GALNT13: variants seen among roughly 807,000 people sequenced by gnomAD.
GALNT13 encodes UDP-GalNAc:polypeptide N-acetylgalactosaminyltransferase 13.
In GALNT13, 28 loss-of-function variants were observed where a neutral mutation model predicts 64.2. The observed-to-expected ratio is 0.44, with a 90% CI of 0.32 to 0.60. The LOEUF is 0.60. Ranked by LOEUF, GALNT13 falls within the 20% of genes least tolerant of loss-of-function variation. The probability of loss-of-function intolerance (pLI) is 0.05; values close to 1 mark genes in which losing one functional copy is unlikely to be tolerated. For missense variants in GALNT13, 577 were observed against 669.8 expected, an observed-to-expected ratio of 0.86 and a Z score of 1.53; for synonymous variants, 214 against 224.6, an observed-to-expected ratio of 0.95 and a Z score of 0.42.
intron 4 of GALNT13, among the ~76,000 whole-genome samples, chr2:154,198,722 G>T (rs1687013284): frequency 6.6e-6 from 1 of 151,692 alleles, no homozygotes; most frequent in Non-Finnish European, 1.5e-5. Context: ...AAAGTAAAAT[G>T]ACCCAGTAAC....
chr2:153,614,624 C>A, the GALNT13 span, among the ~76,000 whole-genome samples: 1 of 151,928 alleles, frequency 6.6e-6, no homozygotes, highest in East Asian at 1.9e-4. Flanking sequence ...TTCTACTTTC[C>A]TATAGTTTTT....
At chr2:153,393,924 A>G in the GALNT13 span, among the ~76,000 whole-genome samples, 5 of 149,204 alleles carry the variant, frequency 3.4e-5, no homozygotes, top group Admixed American at 3.4e-4. Context: ...CAAATAATCA[A>G]TTTCTTTCTC....
intron 9 of GALNT13, among the ~76,000 whole-genome samples, chr2:154,348,778 A>G (rs1192794592): frequency 6.6e-6 from 1 of 152,068 alleles, no homozygotes; most frequent in East Asian, 1.9e-4. Flanking sequence ...GGTCCTGGAA[A>G]TACACTTGAA....
chr2:153,265,977 A>AT, the GALNT13 span, among the ~76,000 whole-genome samples: 2 of 152,040 alleles, frequency 1.3e-5, no homozygotes, highest in African/African-American at 4.8e-5. Context: ...GTCGTTAACA[A>AT]TTTTTTTTCA....
At chr2:153,317,316 A>G in the GALNT13 span, among the ~76,000 whole-genome samples, 1 of 152,148 alleles carries the variant, frequency 6.6e-6, no homozygotes, top group Admixed American at 6.5e-5. Context: ...GCAGAGGTTC[A>G]TAACCCACTC....
intron 3 of GALNT13, among the ~76,000 whole-genome samples, chr2:154,067,944 GT>G (rs1388447926): frequency 6.6e-6 from 1 of 152,038 alleles, no homozygotes; most frequent in Non-Finnish European, 1.5e-5. Flanking sequence ...CAGAATGGAA[GT>G]ATTTCCAAAC....
the GALNT13 span, among the ~76,000 whole-genome samples, chr2:153,325,758 C>A: frequency 0.78 from 118,477 of 152,044 alleles, 47,008 homozygotes; most frequent in Middle Eastern, 0.85. Flanking sequence ...TTATTTACCC[C>A]GTAGTCATTC....
chr2:153,622,814 T>C, the GALNT13 span, among the ~76,000 whole-genome samples: 1 of 152,240 alleles, frequency 6.6e-6, no homozygotes, highest in Admixed American at 6.6e-5. Context: ...TGCTTTTATC[T>C]TTATTGCCAA....
At chr2:153,406,254 TATTTC>T in the GALNT13 span, among the ~76,000 whole-genome samples, 2 of 152,172 alleles carry the variant, frequency 1.3e-5, no homozygotes, top group African/African-American at 4.8e-5. Flanking sequence ...AATTATTACT[TATTTC>T]ATTGATATTT....
chr2:154,152,074 G>T (rs1472600548), intron 4 of GALNT13, among the ~76,000 whole-genome samples: 1 of 152,190 alleles, frequency 6.6e-6, no homozygotes, highest in African/African-American at 2.4e-5. Context: ...GGTACCGGTT[G>T]TTCCTTTCCA....
intron 2 of GALNT13, among the ~76,000 whole-genome samples, chr2:153,913,331 G>A (rs961627225): frequency 1.6e-4 from 25 of 152,284 alleles, no homozygotes; most frequent in Non-Finnish European, 2.6e-4. Context: ...CAGTGGTATA[G>A]CAGGGTGCGT....
chr2:153,194,935 G>A, the GALNT13 span, among the ~76,000 whole-genome samples: 62 of 152,322 alleles, frequency 4.1e-4, no homozygotes, highest in African/African-American at 1.3e-3. Context: ...ATAGACTGCC[G>A]AGGCTAGTTC....
At chr2:153,855,969 A>G in the GALNT13 span, among the ~76,000 whole-genome samples, 2 of 152,172 alleles carry the variant, frequency 1.3e-5, no homozygotes, top group Non-Finnish European at 2.9e-5. Flanking sequence ...AATCTCACAA[A>G]TGATCGCACA....
At chr2:153,808,695 CTT>C in the GALNT13 span, among the ~76,000 whole-genome samples, 1 of 152,180 alleles carries the variant, frequency 6.6e-6, no homozygotes, top group Non-Finnish European at 1.5e-5. Flanking sequence ...TCCAACAACT[CTT>C]TTGCCCACAT....
the GALNT13 span, among the ~76,000 whole-genome samples, chr2:153,301,320 A>AAAAAAAAAAAG: frequency 5.7e-4 from 72 of 126,684 alleles, 3 homozygotes; most frequent in African/African-American, 2.1e-3. Context: ...AAAAAAAAAG[A>AAAAAAAAAAAG]AAAAAAAAAA....
At chr2:153,906,174 C>T (rs1283878030) in intron 2 of GALNT13, among the ~76,000 whole-genome samples, 5 of 151,142 alleles carry the variant, frequency 3.3e-5, no homozygotes, top group Non-Finnish European at 7.4e-5. Flanking sequence ...TTTAGTTTCT[C>T]TTAATCCCAT....
At chr2:154,110,012 C>A (rs1702844820) in intron 3 of GALNT13, among the ~76,000 whole-genome samples, 1 of 151,626 alleles carries the variant, frequency 6.6e-6, no homozygotes, top group South Asian at 2.1e-4. Flanking sequence ...GTGTTCATTT[C>A]TTTTCAATTT....
the GALNT13 span, among the ~76,000 whole-genome samples, chr2:153,290,702 T>G: frequency 4.6e-5 from 7 of 152,356 alleles, no homozygotes; most frequent in South Asian, 1.4e-3. Context: ...TAAAAATTCC[T>G]ACATATTATC....
chr2:153,546,864 A>C, the GALNT13 span, among the ~76,000 whole-genome samples: 1 of 152,178 alleles, frequency 6.6e-6, no homozygotes, highest in Non-Finnish European at 1.5e-5. Context: ...ACCTCTGTCT[A>C]ATTCTGACAA....
Sources: allele counts gnomAD v4.1 joint callset (sites outside exome capture counted in the v4.1 genomes callset), GRCh38; gene constraint gnomAD v4.1.1; transcripts MANE v1.5; gene names NCBI Gene and HGNC (gene_info 2026-07-23, HGNC 2026-07-21).